Variants in UBE4A observed in about 807,000 individuals in gnomAD.
The protein encoded by UBE4A is ubiquitin conjugation factor E4 A.
In UBE4A, 48 loss-of-function variants were observed where a neutral mutation model predicts 117.9. That is an observed-to-expected ratio of 0.41 (90% CI 0.32 to 0.52). UBE4A has a LOEUF of 0.52. Ranked by LOEUF, UBE4A falls within the 20% of genes least tolerant of loss-of-function variation. UBE4A has a pLI of 0.33. For synonymous variants in UBE4A, 407 were observed against 450.0 expected (o/e 0.90, Z 1.21); for missense variants, 1,067 against 1,296.3 (o/e 0.82, Z 2.72).
intron 9 of UBE4A, among the ~76,000 whole-genome samples, chr11:118,376,162 A>G (rs1187902868): frequency 6.6e-6 from 1 of 152,194 alleles, no homozygotes; most frequent in African/African-American, 2.4e-5. Context: ...AAAACAGTAC[A>G]GAGAAATGAA....
chr11:118,360,608 T>A (rs2134082007), intron 1 of UBE4A, among the ~76,000 whole-genome samples: 1 of 152,354 alleles, frequency 6.6e-6, no homozygotes, highest in East Asian at 1.9e-4. Flanking sequence ...AGAGCTTGAT[T>A]TTGACGATCC....
Position 118,382,709 on chromosome 11 carries a change from C to T in UBE4A, c.2130C>T (p.Cys710=), listed in dbSNP as rs1378714824. The T allele has an allele frequency of 1.9e-6, 3 of 1,605,290 alleles. No individual in the cohort carries two copies. Among genetic ancestry groups the T allele is most frequent in the African/African-American group, 2.7e-5 (2 of 74,662 alleles). The change falls in exon 13 of 20, where the codon TGC becomes TGT. Residue 710 remains cysteine (C), a synonymous_variant. Coordinates refer to ENST00000252108, the MANE Select transcript of UBE4A (RefSeq NM_001204077.2). ...TGTTCCACCGGAAACGTGTGTTCTG[C>T]AACTTTCAGTATGCACCCCAACTTG... The part of the protein sequence containing the change: ...SSVFHRKRVF[C]NFQYAPQLAE...
chr11:118,375,286 G>T, intron 9 of UBE4A, 57 bp downstream of exon 9: 3 of 1,431,786 alleles, frequency 2.1e-6, no homozygotes. Flanking sequence ...AACGTGTAAA[G>T]CATTCACTCC....
chr11:118,368,539 A>C (rs1948583043), intron 2 of UBE4A, 92 bp from the exon 3 acceptor site: 80 of 1,300,658 alleles, frequency 6.2e-5, no homozygotes, highest in Middle Eastern at 1.9e-4. Flanking sequence ...ATCTGAAATT[A>C]TCATCTTCTT....
chr11:118,368,787 T>G lies in UBE4A; in HGVS notation c.278T>G (p.Leu93Arg). 1 of 1,614,216 alleles carries G rather than the reference T, an allele frequency of 6.2e-7. No individual in the cohort carries two copies. The highest frequency in any genetic ancestry group is 1.1e-5 in the South Asian group (1 of 91,086). Residue 93 changes from leucine to arginine, a missense_variant, in exon 3 of 20, where the codon CTT (leucine) becomes CGT (arginine). Around this residue, in one of 3 missense-constraint regions of UBE4A, gnomAD observed 1,001 missense variants for 1,184.0 expected, o/e 0.85. Transcript: ENST00000252108. ...NINHMIQRIF[L>R]ITLDNSDPSL... Reference sequence around the variant, plus strand: ...AATCACATGATCCAAAGGATCTTCCTTATTACTCTGGACAACAGTGAGTTA... The same window carrying G: ...AATCACATGATCCAAAGGATCTTCCGTATTACTCTGGACAACAGTGAGTTA...
chr11:118,385,865 G>C (rs936355312), intron 15 of UBE4A, among the ~76,000 whole-genome samples: 4 of 152,162 alleles, frequency 2.6e-5, no homozygotes, highest in African/African-American at 9.7e-5. Context: ...TTACAAACAG[G>C]CCCTTTTAAG....
Position 118,390,682 on chromosome 11 carries a change from G to C in UBE4A, c.2794G>C (p.Val932Leu), listed in dbSNP as rs1031267637. ...GGATGAGGAGAATTTCTGTGCCACTGTGCCCAAGGATGGACGTTCCTATTC... is the reference window on the plus strand; with the variant it reads ...GGATGAGGAGAATTTCTGTGCCACTCTGCCCAAGGATGGACGTTCCTATTC... ...LGDEENFCAT[V>L]PKDGRSYSPT... Residue 932 changes from valine (V) to leucine (L), a missense_variant, in exon 18 of 20, where the codon GTG becomes CTG. Val to Leu is a conservative substitution (Grantham distance 32). Coordinates refer to ENST00000252108, the MANE Select transcript of UBE4A (RefSeq NM_001204077.2). The C allele has an allele frequency of 2.0e-6, 3 of 1,534,822 alleles. No homozygotes were observed. Among genetic ancestry groups the C allele is most frequent in the Non-Finnish European group, 2.6e-6 (3 of 1,144,694 alleles).
chr11:118,371,689 A>G (rs1407324809), intron 5 of UBE4A, 23 bp downstream of exon 5: 1 of 1,602,914 alleles, frequency 6.2e-7, no homozygotes, highest in Non-Finnish European at 8.5e-7. Flanking sequence ...TCCCCATTGA[A>G]TACTGTATTG....
intron 1 of UBE4A, among the ~76,000 whole-genome samples, chr11:118,364,418 T>C (rs1338070732): frequency 6.6e-6 from 1 of 152,078 alleles, no homozygotes; most frequent in Admixed American, 6.5e-5. Flanking sequence ...GGAAGAAATA[T>C]CAGTATTTTT....
At chr11:118,375,509 G>T (rs376191211) in intron 9 of UBE4A, among the ~76,000 whole-genome samples, 1 of 151,978 alleles carries the variant, frequency 6.6e-6, no homozygotes, top group East Asian at 1.9e-4. Flanking sequence ...ACAGGCACGC[G>T]CCACCACGCC....
intron 6 of UBE4A, 101 bp from the exon 7 acceptor site, chr11:118,372,985 T>TAA (rs34104337): frequency 8.0e-4 from 766 of 959,688 alleles, no homozygotes; most frequent in Non-Finnish European, 9.7e-4. Context: ...CCCCCAGCTC[T>TAA]AAAAAAAAAA....
intron 19 of UBE4A, among the ~76,000 whole-genome samples, 165 bp from the exon 20 acceptor site, chr11:118,396,149 A>AATC (rs1191347429): frequency 6.6e-6 from 1 of 152,030 alleles, no homozygotes; most frequent in Non-Finnish European, 1.5e-5. Context: ...AAAACTCCTG[A>AATC]ATCATCTTGT....
At position 118,392,731 on chromosome 11, in the gene UBE4A, T is replaced by C. The variant is rs1555128797; in HGVS notation, c.2917-7T>C. 1.2e-6 allele frequency: 2 copies of C among 1,613,112 alleles called. No homozygotes were observed. Among genetic ancestry groups the C allele is most frequent in the Non-Finnish European group, 1.7e-6 (2 of 1,179,502 alleles). On this transcript the variant is annotated splice_polypyrimidine_tract_variant and splice_region_variant and intron_variant, in intron 18 of 19. Transcript: ENST00000252108. ...TTCACTTTAACTACCAGATGTTGTATACTCAGTCTCTTGCAGACCTCCAAC... is the reference window on the plus strand; with the variant it reads ...TTCACTTTAACTACCAGATGTTGTACACTCAGTCTCTTGCAGACCTCCAAC...
chr11:118,360,152 G>A (rs940645914), intron 1 of UBE4A, among the ~76,000 whole-genome samples: 23 of 152,238 alleles, frequency 1.5e-4, no homozygotes, highest in Non-Finnish European at 3.1e-4. Flanking sequence ...TAAGGCAGGT[G>A]ATGAGTTCAC....
chr11:118,386,112 G>T (rs1208783155), intron 15 of UBE4A, among the ~76,000 whole-genome samples: 1 of 152,072 alleles, frequency 6.6e-6, no homozygotes, highest in Non-Finnish European at 1.5e-5. Context: ...ATAGTGTGGG[G>T]TTTTTTAGTT....
chr11:118,377,101 T>G (rs1948659568), intron 10 of UBE4A, among the ~76,000 whole-genome samples: 1 of 152,224 alleles, frequency 6.6e-6, no homozygotes, highest in African/African-American at 2.4e-5. Flanking sequence ...CTGAGCTTAT[T>G]CTAAAGGTTC....
Position 118,386,616 on chromosome 11 carries a change from A to C in UBE4A, c.2587+4A>C. 6.5e-7 allele frequency: 1 copy of C among 1,542,574 alleles called. No homozygotes were observed. Among genetic ancestry groups the C allele is most frequent in the African/African-American group, 1.4e-5 (1 of 70,470 alleles). On this transcript the variant is annotated splice_donor_region_variant and intron_variant, in intron 16 of 19. Transcript: ENST00000252108. ...ACCCTTGCCTTTCTCACATCAGGTA[A>C]GGACATGAAGTACTGCTTCCCCCCA...
chr11:118,373,695 T>C lies in UBE4A; in HGVS notation c.1116+10T>C. ...GGCCAACATCCATCAGGTGGAACTG[T>C]TTACCAGGGTATCCCAGCCCCCTGA... On this transcript the variant is annotated intron_variant, in intron 8 of 19. Coordinates refer to ENST00000252108, the MANE Select transcript of UBE4A (RefSeq NM_001204077.2). 1.9e-6 allele frequency: 3 copies of C among 1,610,402 alleles called. No individual in the cohort carries two copies. The South Asian group carries it at 3.3e-5, about 18-fold the overall frequency.
At chr11:118,390,121 G>T (rs1022336508) in intron 17 of UBE4A, among the ~76,000 whole-genome samples, 15 of 151,898 alleles carry the variant, frequency 9.9e-5, no homozygotes, top group Admixed American at 9.9e-4. Context: ...AGGCTGAAGT[G>T]GGAGGATTGC....
Sources: gnomAD v4.1 joint callset for allele counts (sites outside exome capture counted in the v4.1 genomes callset) on GRCh38, gnomAD v4.1.1 for gene constraint, gnomAD v4.1.1 regional missense constraint, MANE v1.5 for transcripts, NCBI Gene and HGNC (gene_info 2026-07-23, HGNC 2026-07-21) for gene names.